PIK3CB: variants seen among roughly 807,000 people sequenced by gnomAD.
PIK3CB encodes the protein phosphatidylinositol 4,5-bisphosphate 3-kinase catalytic subunit beta isoform.
In PIK3CB, 39 loss-of-function variants were observed where a neutral mutation model predicts 136.8. That is an observed-to-expected ratio of 0.29 (90% CI 0.22 to 0.37). PIK3CB has a LOEUF of 0.37. PIK3CB is among the 10% of genes least tolerant of loss of function. The probability of loss-of-function intolerance (pLI) is 1.00; values close to 1 mark genes in which losing one functional copy is unlikely to be tolerated. For synonymous variants in PIK3CB, 428 were observed against 436.6 expected, an observed-to-expected ratio of 0.98 and a Z score of 0.25; for missense variants, 868 against 1,275.4, an observed-to-expected ratio of 0.68 and a Z score of 4.87.
Position 138,709,511 on chromosome 3 carries a change from G to A in PIK3CB, c.1400-2222C>T, listed in dbSNP as rs189055065. On this transcript the variant is annotated intron_variant, in intron 10 of 23. Transcript: ENST00000674063. ...ACATAAAAAAATTATGGAAAGTTAG[G>A]AAAAAAAATAATAAACGTGATTGTA... Among the ~76,000 whole-genome samples, 574 of 151,822 alleles carry A rather than the reference G, an allele frequency of 3.8e-3. 11 individuals are homozygous for A. Among genetic ancestry groups the A allele is most frequent in the Admixed American group, 0.029 (434 of 15,226 alleles).
At chr3:138,762,842 C>G (rs947137671) in intron 2 of PIK3CB, among the ~76,000 whole-genome samples, 1 of 151,880 alleles carries the variant, frequency 6.6e-6, no homozygotes, top group Non-Finnish European at 1.5e-5. Context: ...CACCTGTAAT[C>G]CCAGCTACCA....
At chr3:138,764,925 C>T (rs2045711558) in intron 2 of PIK3CB, among the ~76,000 whole-genome samples, 1 of 152,222 alleles carries the variant, frequency 6.6e-6, no homozygotes. Flanking sequence ...ACTCATCTCT[C>T]CCTAGTCTCA....
chr3:138,704,558 G>GTAGTCATTT, intron 11 of PIK3CB, 65 bp from the exon 12 acceptor site: 1 of 1,001,614 alleles, frequency 1.0e-6, no homozygotes, highest in Non-Finnish European at 1.6e-6. Context: ...AAGTGTAAAT[G>GTAGTCATTT]ACTACATTTG....
At chr3:138,724,779 T>C (rs2044802649) in intron 8 of PIK3CB, among the ~76,000 whole-genome samples, 1 of 152,138 alleles carries the variant, frequency 6.6e-6, no homozygotes, top group Non-Finnish European at 1.5e-5. Flanking sequence ...ACAAGGGACT[T>C]AAGGAGCTCT....
At chr3:138,834,541 G>A (rs1934185842) in intron 1 of PIK3CB, among the ~76,000 whole-genome samples, 154 bp downstream of exon 1, 1 of 152,188 alleles carries the variant, frequency 6.6e-6, no homozygotes, top group African/African-American at 2.4e-5. Flanking sequence ...CCTCCAAGCT[G>A]GCAGGAAGCG....
At chr3:138,758,606 G>C (rs527544473) in intron 3 of PIK3CB, among the ~76,000 whole-genome samples, 1 of 152,240 alleles carries the variant, frequency 6.6e-6, no homozygotes, top group Non-Finnish European at 1.5e-5. Context: ...TAAGAGGCTT[G>C]TCCAAAGCCA....
intron 19 of PIK3CB, among the ~76,000 whole-genome samples, chr3:138,672,227 G>A (rs906881175): frequency 2.0e-5 from 3 of 152,028 alleles, no homozygotes; most frequent in African/African-American, 7.2e-5. Context: ...CAGATGATGT[G>A]GCATGAAAGT....
At chr3:138,709,084 A>C (rs374665066) in intron 10 of PIK3CB, among the ~76,000 whole-genome samples, 1 of 152,130 alleles carries the variant, frequency 6.6e-6, no homozygotes, top group African/African-American at 2.4e-5. Flanking sequence ...TATGTGGCAA[A>C]AAAAAAAGGC....
chr3:138,700,399 G>A (rs1178700508), intron 12 of PIK3CB, among the ~76,000 whole-genome samples: 5 of 152,066 alleles, frequency 3.3e-5, no homozygotes, highest in Non-Finnish European at 5.9e-5. Flanking sequence ...CTGTTGTATC[G>A]GAAAGAAAGA....
chr3:138,793,027 T>C (rs144522052), intron 2 of PIK3CB, among the ~76,000 whole-genome samples: 53 of 152,214 alleles, frequency 3.5e-4, no homozygotes, highest in East Asian at 3.5e-3. Context: ...AGTGGTGAGG[T>C]TGGGATCCTG....
Position 138,705,551 on chromosome 3 carries a change from A to C in PIK3CB, c.1531-1058T>G, listed in dbSNP as rs146878714. On this transcript the variant is annotated intron_variant, in intron 11 of 23. Transcript: ENST00000674063. The stretch of plus-strand genomic sequence containing the variant: ...AGAAAAACATGTTTAAAAAACTTGA[A>C]ATAAAAAATTACTCCTTAGATGGAT... 2.6e-5 allele frequency among the ~76,000 whole-genome samples: 4 copies of C among 152,346 alleles called. No homozygotes were observed. The East Asian group carries it at 7.7e-4, about 29-fold the overall frequency.
intron 4 of PIK3CB, among the ~76,000 whole-genome samples, chr3:138,745,428 T>C (rs2045333661): frequency 6.6e-6 from 1 of 151,618 alleles, no homozygotes; most frequent in Admixed American, 6.6e-5. Context: ...AGGTCAGGAG[T>C]TCAAGACCAG....
intron 19 of PIK3CB, among the ~76,000 whole-genome samples, chr3:138,679,844 T>C (rs563271593): frequency 6.7e-6 from 1 of 149,550 alleles, no homozygotes; most frequent in Non-Finnish European, 1.5e-5. Context: ...GTGATCCACC[T>C]TGGCTTCCCA....
chr3:138,708,107 AT>A (rs538766252), intron 10 of PIK3CB, among the ~76,000 whole-genome samples: 175 of 152,242 alleles, frequency 1.1e-3, no homozygotes, highest in Non-Finnish European at 2.2e-3. Flanking sequence ...AGGAAAAAAA[AT>A]ATCAGCTCTA....
intron 2 of PIK3CB, among the ~76,000 whole-genome samples, chr3:138,763,641 C>T (rs750132719): frequency 2.0e-5 from 3 of 152,178 alleles, no homozygotes; most frequent in African/African-American, 7.2e-5. Context: ...TGGGATCTCA[C>T]CCTTACCAGA....
intron 16 of PIK3CB, among the ~76,000 whole-genome samples, chr3:138,687,228 CA>C (rs11288177): frequency 0.14 from 19,782 of 142,160 alleles, 4,223 homozygotes; most frequent in African/African-American, 0.47. Context: ...ATTCATCAAT[CA>C]AAAAAAAAAA....
intron 4 of PIK3CB, among the ~76,000 whole-genome samples, chr3:138,751,381 C>A (rs374869813): frequency 2.0e-5 from 3 of 151,816 alleles, no homozygotes; most frequent in African/African-American, 7.3e-5. Flanking sequence ...TGGCGTGAAC[C>A]CAGGAGGTGA....
chr3:138,716,333 C>T (rs1249351074), intron 8 of PIK3CB, among the ~76,000 whole-genome samples: 2 of 152,252 alleles, frequency 1.3e-5, no homozygotes, highest in East Asian at 3.9e-4. Context: ...GAAAAATCTT[C>T]CTCCAGCAGG....
chr3:138,755,693 T>A, intron 4 of PIK3CB, 61 bp downstream of exon 4: 1 of 754,648 alleles, frequency 1.3e-6, no homozygotes. Flanking sequence ...ATATACTTAC[T>A]ATATGTTTAT....
Sources: gnomAD v4.1 joint callset for allele counts (sites outside exome capture counted in the v4.1 genomes callset) on GRCh38, gnomAD v4.1.1 for gene constraint, MANE v1.5 for transcripts, NCBI Gene and HGNC (gene_info 2026-07-23, HGNC 2026-07-21) for gene names.